The following AKAP13 variants were observed in gnomAD, a reference collection of about 807,000 sequenced individuals.
The protein encoded by AKAP13 is A-kinase anchor protein 13.
AKAP13 carries 80 observed loss-of-function variants against 264.5 expected under a neutral mutation model. The ratio of observed to expected loss-of-function variants is 0.30; its 90% CI spans 0.25 to 0.36. The LOEUF (loss-of-function observed/expected upper bound fraction) is 0.36. Ranked by LOEUF, AKAP13 falls within the 10% of genes least tolerant of loss-of-function variation. AKAP13 has a pLI of 1.00. For missense variants in AKAP13, 3,712 were observed against 3,435.2 expected, an observed-to-expected ratio of 1.08 and a Z score of -2.01; for synonymous variants, 1,380 against 1,250.2, an observed-to-expected ratio of 1.10 and a Z score of -2.19.
At chr15:85,734,796 C>T (rs578085893) in intron 30 of AKAP13, among the ~76,000 whole-genome samples, 196 bp from the exon 31 acceptor site, 1 of 152,302 alleles carries the variant, frequency 6.6e-6, no homozygotes, top group East Asian at 1.9e-4. Flanking sequence ...AGTGGAAGGT[C>T]TCATCTCTAA....
At chr15:85,617,852 T>C (rs1262466955) in intron 8 of AKAP13, among the ~76,000 whole-genome samples, 2 of 152,246 alleles carry the variant, frequency 1.3e-5, no homozygotes, top group East Asian at 3.8e-4. Context: ...TGTAAATCTC[T>C]GGTCAAGTTC....
chr15:85,639,363 T>C lies in AKAP13; in HGVS notation c.4162-11T>C, dbSNP rs1202518304. Reference sequence around the variant, plus strand: ...CAATGTCTGAAACTCTGTGTTTTCTTTTTCTTTCAGATAAACCGAGAAAAC... The same window carrying C: ...CAATGTCTGAAACTCTGTGTTTTCTCTTTCTTTCAGATAAACCGAGAAAAC... On this transcript the variant is annotated splice_polypyrimidine_tract_variant and intron_variant, in intron 8 of 36. Transcript: ENST00000394518. 2 of 1,598,316 alleles carry C rather than the reference T, an allele frequency of 1.3e-6. No individual in the cohort carries two copies. Among genetic ancestry groups the C allele is most frequent in the Non-Finnish European group, 1.7e-6 (2 of 1,170,098 alleles).
intron 5 of AKAP13, among the ~76,000 whole-genome samples, chr15:85,561,894 A>G (rs1267620895): frequency 6.6e-6 from 1 of 152,192 alleles, no homozygotes; most frequent in Admixed American, 6.5e-5. Flanking sequence ...GTCTCTCAAA[A>G]TGTGTATTTT....
intron 36 of AKAP13, 35 bp downstream of exon 36, chr15:85,743,860 A>G (rs761244286): frequency 8.9e-6 from 14 of 1,576,046 alleles, no homozygotes; most frequent in Middle Eastern, 2.1e-4. Context: ...CTGTGGCCAT[A>G]GTGTCTGTGC....
Position 85,581,720 on chromosome 15 carries a change from G to C in AKAP13, c.3652G>C (p.Ala1218Pro). 1 of 1,614,178 alleles carries C rather than the reference G, an allele frequency of 6.2e-7. No individual in the cohort carries two copies. Among genetic ancestry groups the C allele is most frequent in the Non-Finnish European group, 8.5e-7 (1 of 1,180,018 alleles). ...APAGVREVMR[A>P]PPSGRERSTP... ...AGCTGGTGTGAGGGAAGTCATGCGA[G>C]CCCCGCCTTCAGGCAGGGAAAGGAG... Residue 1218 changes from alanine (A) to proline (P), a missense_variant, in exon 7 of 37, where the codon GCC becomes CCC. Coordinates refer to ENST00000394518, the MANE Select transcript of AKAP13 (RefSeq NM_007200.5).
At chr15:85,396,014 A>T (rs1215423225) in intron 1 of AKAP13, among the ~76,000 whole-genome samples, 1 of 77,122 alleles carries the variant, frequency 1.3e-5, no homozygotes, top group Non-Finnish European at 3.3e-5. Context: ...TTTTGACTAT[A>T]CATACATACA....
At position 85,453,815 on chromosome 15, in the gene AKAP13, T is replaced by G. The variant is rs1222113024; in HGVS notation, c.-11-31895T>G. Among the ~76,000 whole-genome samples, 55 of 151,468 alleles carry G rather than the reference T, an allele frequency of 3.6e-4. 1 individual carries two copies. Among genetic ancestry groups the G allele is most frequent in the South Asian group, 2.1e-4 (1 of 4,760 alleles). ...ATCTCTGTTGGCTGGAGAGCTTGGG[T>G]GGGGGTGGCTGGAGGCCCAGGTTGG... is the stretch of plus-strand genomic sequence containing the variant. On this transcript the variant is annotated intron_variant, in intron 1 of 36. Coordinates refer to ENST00000394518, the MANE Select transcript of AKAP13 (RefSeq NM_007200.5).
At chr15:85,459,389 G>A (rs1359136168) in intron 1 of AKAP13, among the ~76,000 whole-genome samples, 4 of 149,946 alleles carry the variant, frequency 2.7e-5, no homozygotes, top group East Asian at 1.9e-4. Context: ...AGTAGAGATG[G>A]GGTTTCATCA....
At chr15:85,455,650 A>G (rs1005871653) in intron 1 of AKAP13, among the ~76,000 whole-genome samples, 3 of 152,154 alleles carry the variant, frequency 2.0e-5, no homozygotes, top group African/African-American at 7.2e-5. Context: ...CTTGGATGAT[A>G]AAATTTATTT....
chr15:85,507,114 A>G lies in AKAP13; in HGVS notation c.34-14314A>G, dbSNP rs184371261. Among the ~76,000 whole-genome samples the G allele has an allele frequency of 6.6e-5, 10 of 152,090 alleles. No individual in the cohort carries two copies. In the East Asian group the frequency reaches 1.7e-3, roughly 26 times the overall value. Reference sequence around the variant, plus strand: ...GCCATAGCACTTTTGAAATGTTTCTATTTATAGCACCTGTTATATCACTGT... The same window carrying G: ...GCCATAGCACTTTTGAAATGTTTCTGTTTATAGCACCTGTTATATCACTGT... On this transcript the variant is annotated intron_variant, in intron 2 of 36. Coordinates refer to ENST00000394518, the MANE Select transcript of AKAP13 (RefSeq NM_007200.5).
intron 8 of AKAP13, among the ~76,000 whole-genome samples, chr15:85,594,248 C>G (rs913285534): frequency 1.3e-5 from 2 of 152,148 alleles, no homozygotes; most frequent in African/African-American, 4.8e-5. Flanking sequence ...CTCAGTTCAA[C>G]AAATGTTCAT....
chr15:85,584,855 A>G (rs190478759), intron 7 of AKAP13, among the ~76,000 whole-genome samples: 21 of 152,350 alleles, frequency 1.4e-4, no homozygotes. Flanking sequence ...CATGAAATCG[A>G]GATGACAGTT....
In AKAP13 at chr15:85,699,305, G is replaced by A. The variant is rs1009161321; in HGVS notation, c.5464+5854G>A. On this transcript the variant is annotated intron_variant, in intron 17 of 36. Transcript: ENST00000394518. ...CTAAAAAACAAAAAATTAGCTGGGC[G>A]TGGTGGTGCATGCCTGTAATCCCAG... 4.6e-5 allele frequency among the ~76,000 whole-genome samples: 7 copies of A among 150,710 alleles called. No homozygotes were observed. In the South Asian group the frequency reaches 6.3e-4, roughly 14 times the overall value.
intron 7 of AKAP13, chr15:85,583,295 G>T: frequency 4.6e-6 from 3 of 657,042 alleles, no homozygotes; most frequent in Non-Finnish European, 5.7e-6. Context: ...TGGAGCAAAA[G>T]AAGTTGCTTT....
chr15:85,693,126 C>A (rs1188690567), intron 16 of AKAP13, 151 bp from the exon 17 acceptor site: 2 of 1,326,888 alleles, frequency 1.5e-6, no homozygotes, highest in Non-Finnish European at 1.9e-6. Flanking sequence ...TTTAAAAAAA[C>A]AAAACAAAAC....
chr15:85,419,689 A>G (rs193037185), intron 1 of AKAP13, among the ~76,000 whole-genome samples: 4 of 152,306 alleles, frequency 2.6e-5, no homozygotes, highest in Middle Eastern at 3.4e-3. Context: ...ATTTCAAAAT[A>G]ATGACAGCTT....
chr15:85,488,005 T>G (rs1260747705), intron 2 of AKAP13, among the ~76,000 whole-genome samples: 1 of 152,082 alleles, frequency 6.6e-6, no homozygotes, highest in East Asian at 1.9e-4. Flanking sequence ...TCAAATGCTC[T>G]TCCCACCTCA....
rs746701868 is a variant in AKAP13, at chr15:85,563,326, C to CCTG, written c.663-11805_663-11804insCTG. On this transcript the variant is annotated intron_variant, in intron 5 of 36. Coordinates refer to ENST00000394518, the MANE Select transcript of AKAP13 (RefSeq NM_007200.5). ...TTGTCCTTCATTTGAGTAGAATGTG[C>CCTG]TTGTTTTTTTTTTTTTTTTTTTTTT... Among the ~76,000 whole-genome samples, 215 of 82,874 alleles carry CCTG rather than the reference C, an allele frequency of 2.6e-3. 1 individual carries two copies. Among genetic ancestry groups the CCTG allele is most frequent in the Middle Eastern group, 6.8e-3 (1 of 146 alleles). 54.4% of individuals were successfully genotyped at this position (82,874 alleles called of 152,430 possible).
Position 85,718,232 on chromosome 15 carries a change from A to G in AKAP13, c.6001+73A>G. On this transcript the variant is annotated intron_variant, in intron 22 of 36. Transcript: ENST00000394518. This position sits in a 1 kb window ranked among gnomAD's most constrained non-coding sequence, Gnocchi z 4.9. ...GCATTTTTAAGCAGTAATTTGTTGG[A>G]CTATGAAAAATCAGTTTTTTAGTAT... The G allele has an allele frequency of 6.4e-7, 1 of 1,559,280 alleles. No individual in the cohort carries two copies.
Sources: allele counts gnomAD v4.1 joint callset (sites outside exome capture counted in the v4.1 genomes callset), GRCh38; gene constraint gnomAD v4.1.1; non-coding constraint Gnocchi (gnomAD v3.1); transcripts MANE v1.5; gene names NCBI Gene and HGNC (gene_info 2026-07-23, HGNC 2026-07-21).